KIAA1671: variants seen among roughly 807,000 people sequenced by gnomAD.
KIAA1671 encodes the protein uncharacterized protein KIAA1671.
Under a neutral mutation model 131.2 loss-of-function variants are expected in KIAA1671, and 52 were observed. That is an observed-to-expected ratio of 0.40 (90% CI 0.32 to 0.50). The LOEUF is 0.50. Ranked by LOEUF, KIAA1671 falls within the 20% of genes least tolerant of loss-of-function variation. The pLI is 0.73. For missense variants in KIAA1671, 2,360 were observed against 2,364.2 expected (o/e 1.00, Z 0.04); for synonymous variants, 1,003 against 961.6 (o/e 1.04, Z -0.80).
rs149974963 is a variant in KIAA1671, at chr22:24,954,450, A to AG, written c.-208+1681dup. Among the ~76,000 whole-genome samples the AG allele has an allele frequency of 8.0e-4, 122 of 152,284 alleles. 5 individuals are homozygous for AG. The East Asian group carries it at 0.021, about 26-fold the overall frequency. On this transcript the variant is annotated intron_variant, in intron 1 of 12. Coordinates refer to ENST00000358431, the MANE Select transcript of KIAA1671 (RefSeq NM_001145206.2). ...TTTTAAAGGATTTGCATGCTTGACA[A>AG]GGGTGCAATTACCCAAGAGAAGTGC...
At chr22:25,097,795 C>T (rs1030912469) in intron 6 of KIAA1671, among the ~76,000 whole-genome samples, 2 of 151,924 alleles carry the variant, frequency 1.3e-5, no homozygotes, top group African/African-American at 4.8e-5. Flanking sequence ...GAAGGTATGA[C>T]AGAGACTGCA....
In KIAA1671 at chr22:25,168,503, CAATGTGGTGAA is replaced by C. The variant is rs573923623; in HGVS notation, c.4531-2315_4531-2305del. Among the ~76,000 whole-genome samples the C allele has an allele frequency of 2.8e-3, 429 of 152,200 alleles. 4 individuals carry two copies. The highest frequency in any genetic ancestry group is 0.01 in the African/African-American group (420 of 41,530). ...GCCAGGAGTTCGTGACCAGCCTGGG[CAATGTGGTGAA>C]ACCCTGTCTCCACTAAAAATACAAA... On this transcript the variant is annotated intron_variant, in intron 6 of 12. Transcript: ENST00000358431.
intron 1 of KIAA1671, among the ~76,000 whole-genome samples, chr22:24,974,034 T>C (rs1259961370): frequency 2.6e-5 from 4 of 152,128 alleles, no homozygotes; most frequent in African/African-American, 4.8e-5. Flanking sequence ...ACAACGGGAC[T>C]TTCACCAGCT....
At position 25,039,626 on chromosome 22, in the gene KIAA1671, A is replaced by T. The variant is rs1291303566; in HGVS notation, c.2496A>T (p.Lys832Asn). 3.2e-6 allele frequency: 5 copies of T among 1,549,554 alleles called. No homozygotes were observed. Among genetic ancestry groups the T allele is most frequent in the Non-Finnish European group, 4.4e-6 (5 of 1,145,474 alleles). The change falls in exon 5 of 13, where the codon AAA (lysine) becomes AAT (asparagine). Residue 832 changes from lysine (K) to asparagine (N), a missense_variant. Physicochemically the swap from Lys to Asn is moderately conservative, Grantham distance 94. Around this residue, in one of 3 missense-constraint regions of KIAA1671, gnomAD observed 1,185 missense variants for 1,126.2 expected, o/e 1.05. Coordinates refer to ENST00000358431, the MANE Select transcript of KIAA1671 (RefSeq NM_001145206.2). Reference sequence around the variant, plus strand: ...GCGGGGCAGTGGTGAGCTCGCACAAAGCCACCGTGGCAGTCAGCGAAGAGC... The same window carrying T: ...GCGGGGCAGTGGTGAGCTCGCACAATGCCACCGTGGCAGTCAGCGAAGAGC... ...WTGGAVVSSH[K>N]ATVAVSEEHC...
At chr22:25,061,907 G>A (rs996279838) in intron 6 of KIAA1671, 1 of 152,288 alleles carries the variant, frequency 6.6e-6, no homozygotes, top group Admixed American at 6.5e-5. Flanking sequence ...CCCTTGGCAC[G>A]GTTTGCTCCT....
chr22:24,974,521 G>A (rs1384647773), intron 1 of KIAA1671, among the ~76,000 whole-genome samples: 1 of 152,010 alleles, frequency 6.6e-6, no homozygotes, highest in East Asian at 1.9e-4. Context: ...TAATGCATGA[G>A]CTCCGTGTTT....
chr22:25,075,778 CTT>C lies in KIAA1671; in HGVS notation c.4530+26428_4530+26429del, dbSNP rs59244604. The stretch of plus-strand genomic sequence containing the variant: ...ACTGCACCCAGTCATCAGTGCGCAT[CTT>C]TTTTTTTTTTTTTGAGACAAAGTCT... On this transcript the variant is annotated intron_variant, in intron 6 of 12. Transcript: ENST00000358431. 1.5e-3 allele frequency among the ~76,000 whole-genome samples: 198 copies of C among 132,506 alleles called. 1 individual carries two copies. The highest frequency in any genetic ancestry group is 4.9e-3 in the Middle Eastern group (1 of 204). 86.9% of individuals were successfully genotyped at this position (132,506 alleles called of 152,430 possible). A position where few individuals can be genotyped will look rare whatever the true frequency, so the allele number is the denominator to read the frequency against.
At chr22:25,104,810 T>A (rs1264767056) in intron 6 of KIAA1671, among the ~76,000 whole-genome samples, 1 of 152,156 alleles carries the variant, frequency 6.6e-6, no homozygotes, top group Admixed American at 6.5e-5. Context: ...ATTTTTGTAT[T>A]TGATTTTGGG....
chr22:25,147,491 C>T (rs1399712655), intron 6 of KIAA1671, among the ~76,000 whole-genome samples: 1 of 152,124 alleles, frequency 6.6e-6, no homozygotes, highest in Non-Finnish European at 1.5e-5. Context: ...CCGCACCTGG[C>T]CCCATGCAGC....
intron 6 of KIAA1671, among the ~76,000 whole-genome samples, chr22:25,095,607 C>T (rs1377439072): frequency 6.6e-5 from 10 of 152,202 alleles, no homozygotes; most frequent in African/African-American, 4.8e-5. Context: ...GCTGAGGTCG[C>T]GCCACTGCAC....
intron 6 of KIAA1671, chr22:25,058,883 G>C (rs139589775): frequency 2.0e-5 from 3 of 152,310 alleles, no homozygotes; most frequent in African/African-American, 7.2e-5. Flanking sequence ...GATGACCAGA[G>C]CACCTGAGTG....
intron 6 of KIAA1671, among the ~76,000 whole-genome samples, chr22:25,117,585 C>A (rs1014924178): frequency 4.0e-5 from 5 of 123,836 alleles, no homozygotes; most frequent in South Asian, 2.8e-4. Context: ...TCTCCCCCAA[C>A]CACACACACA....
intron 1 of KIAA1671, among the ~76,000 whole-genome samples, chr22:25,015,510 G>GTTA (rs1464851222): frequency 6.6e-6 from 1 of 152,130 alleles, no homozygotes; most frequent in Admixed American, 6.6e-5. Flanking sequence ...TAAGCAGAGG[G>GTTA]GTAAAGATAA....
At chr22:25,124,933 GT>G (rs1256360492) in intron 6 of KIAA1671, among the ~76,000 whole-genome samples, 6 of 151,962 alleles carry the variant, frequency 3.9e-5, no homozygotes, top group African/African-American at 7.3e-5. Context: ...ATTTTTTGTA[GT>G]TTTTGTAGAG....
chr22:25,184,900 T>A, intron 10 of KIAA1671, 77 bp from the exon 11 acceptor site: 1 of 1,521,070 alleles, frequency 6.6e-7, no homozygotes, highest in Non-Finnish European at 8.9e-7. Context: ...AGGCTCATTG[T>A]ACCTGACATT....
intron 7 of KIAA1671, among the ~76,000 whole-genome samples, chr22:25,171,201 A>G (rs1257848473): frequency 6.6e-6 from 1 of 151,894 alleles, no homozygotes; most frequent in Non-Finnish European, 1.5e-5. Context: ...GGAGTTCGAG[A>G]CCAGACTGGG....
rs1369734918 is a variant in KIAA1671, at chr22:24,977,082, G to A, written c.-208+24310G>A. Among the ~76,000 whole-genome samples the A allele has an allele frequency of 5.3e-5, 8 of 152,284 alleles. No homozygotes were observed. In the Middle Eastern group the frequency reaches 0.01, roughly 194 times the overall value. Reference sequence around the variant, plus strand: ...CAGAGAGCTGTCATGAGGATTGACCGAGAGGCTGCCTGTGAAGTTCTGAGC... The same window carrying A: ...CAGAGAGCTGTCATGAGGATTGACCAAGAGGCTGCCTGTGAAGTTCTGAGC... On this transcript the variant is annotated intron_variant, in intron 1 of 12. Coordinates refer to ENST00000358431, the MANE Select transcript of KIAA1671 (RefSeq NM_001145206.2).
intron 7 of KIAA1671, among the ~76,000 whole-genome samples, chr22:25,173,997 CACAGG>C (rs1206518469): frequency 6.6e-6 from 1 of 152,156 alleles, no homozygotes; most frequent in Non-Finnish European, 1.5e-5. Context: ...TCTTGAGTGG[CACAGG>C]ACTGACTCCT....
At chr22:25,188,450 GTGTGTGTGTGTGT>G (rs1568999473) in intron 11 of KIAA1671, among the ~76,000 whole-genome samples, 19 of 20,756 alleles carry the variant, frequency 9.2e-4, no homozygotes, top group African/African-American at 5.9e-3. Context: ...CCAATCGGGT[GTGTGTGTGTGTGT>G]GTGTGTGTGT....
Sources: gnomAD v4.1 joint callset for allele counts (sites outside exome capture counted in the v4.1 genomes callset) on GRCh38, gnomAD v4.1.1 for gene constraint, gnomAD v4.1.1 regional missense constraint, MANE v1.5 for transcripts, NCBI Gene and HGNC (gene_info 2026-07-23, HGNC 2026-07-21) for gene names.